DLG5: variants seen among roughly 807,000 people sequenced by gnomAD.
The protein encoded by DLG5 is disks large homolog 5.
Under a neutral mutation model 189.8 loss-of-function variants are expected in DLG5, and 48 were observed. That is an observed-to-expected ratio of 0.25 (90% CI 0.20 to 0.32). The LOEUF is 0.32. Ranked by LOEUF, DLG5 falls within the 10% of genes least tolerant of loss-of-function variation. The pLI, the probability that DLG5 is intolerant of heterozygous loss-of-function variation, is 1.00. For missense variants in DLG5, 2,160 were observed against 2,544.7 expected, an observed-to-expected ratio of 0.85 and a Z score of 3.25; for synonymous variants, 1,016 against 1,054.1, an observed-to-expected ratio of 0.96 and a Z score of 0.70.
At chr10:77,878,069 C>G (rs1337737439) in intron 1 of DLG5, among the ~76,000 whole-genome samples, 1 of 152,174 alleles carries the variant, frequency 6.6e-6, no homozygotes, top group Non-Finnish European at 1.5e-5. Context: ...ACCGGGCACC[C>G]CCGGCTCCCT....
At chr10:77,880,748 T>C (rs115048846) in intron 1 of DLG5, among the ~76,000 whole-genome samples, 20 of 152,264 alleles carry the variant, frequency 1.3e-4, no homozygotes, top group Middle Eastern at 3.4e-3. Flanking sequence ...TCATATCAGG[T>C]AACATTTATT....
At chr10:77,861,494 C>T (rs1455020423) in intron 2 of DLG5, among the ~76,000 whole-genome samples, 1 of 152,176 alleles carries the variant, frequency 6.6e-6, no homozygotes, top group Non-Finnish European at 1.5e-5. Context: ...GAAGGAGGGG[C>T]TCAGAGCCAT....
intron 1 of DLG5, among the ~76,000 whole-genome samples, chr10:77,877,541 G>A (rs192955361): frequency 8.3e-4 from 127 of 152,138 alleles, no homozygotes; most frequent in African/African-American, 2.7e-3. Context: ...CAGAGCTGCC[G>A]GGCTGCAGGT....
At chr10:77,931,680 T>A (rs185544234), upstream of DLG5, among the ~76,000 whole-genome samples, 33 of 152,240 alleles carry the variant, frequency 2.2e-4, no homozygotes, top group Admixed American at 1.9e-3. Context: ...GGGGACATCT[T>A]GTTCTCCCAC....
chr10:77,830,895 G>A (rs1842865985), intron 9 of DLG5, 22 bp from the exon 10 acceptor site: 1 of 1,612,876 alleles, frequency 6.2e-7, no homozygotes, highest in Non-Finnish European at 8.5e-7. Context: ...GAGAGCCACG[G>A]TGACAGCCCC....
At chr10:77,863,035 TA>T (rs1479876614) in intron 2 of DLG5, among the ~76,000 whole-genome samples, 1 of 152,170 alleles carries the variant, frequency 6.6e-6, no homozygotes, top group Non-Finnish European at 1.5e-5. Flanking sequence ...ACTGTATACT[TA>T]CAAAAAATAC....
chr10:77,848,215 G>A (rs1843788365), intron 5 of DLG5, among the ~76,000 whole-genome samples: 2 of 152,118 alleles, frequency 1.3e-5, no homozygotes. Context: ...ACCCTACATT[G>A]GTCAGAACAC....
intron 1 of DLG5, among the ~76,000 whole-genome samples, chr10:77,876,371 CTCTT>C (rs761503759): frequency 9.8e-5 from 13 of 132,460 alleles, no homozygotes; most frequent in Non-Finnish European, 2.1e-4. Flanking sequence ...GACCCCATCT[CTCTT>C]TTTTTTTTTT....
chr10:77,817,834 A>G lies in DLG5; in HGVS notation c.3727T>C (p.Tyr1243His). 6.4e-7 allele frequency: 1 copy of G among 1,555,072 alleles called. No homozygotes were observed. Among genetic ancestry groups the G allele is most frequent in the African/African-American group, 1.4e-5 (1 of 73,404 alleles). Residue 1243 changes from tyrosine (Y) to histidine (H), a missense_variant, in exon 18 of 32, where the codon TAC becomes CAC. By Grantham distance (83) the Tyr-to-His change is moderately conservative. Coordinates refer to ENST00000372391, the MANE Select transcript of DLG5 (RefSeq NM_004747.4). Reference protein sequence around the residue: ...LDLSHRTCSDYSEMRATHGSN... With the variant: ...LDLSHRTCSDHSEMRATHGSN... ...CCATGGGTGGCTCTCATCTCGGAGT[A>G]GTCGCTGCAGGTCCTGTGGCTCAGG...
chr10:77,908,453 C>T (rs74985540), intron 1 of DLG5, among the ~76,000 whole-genome samples: 4,287 of 152,256 alleles, frequency 0.028, 214 homozygotes, highest in African/African-American at 0.098. Flanking sequence ...AGCAGCCTCA[C>T]AAGAGAACCA....
At chr10:77,893,542 C>A (rs1420193003) in intron 1 of DLG5, among the ~76,000 whole-genome samples, 2 of 152,214 alleles carry the variant, frequency 1.3e-5, no homozygotes, top group Admixed American at 6.5e-5. Flanking sequence ...AGTCCCTGCC[C>A]GCCCCAGACA....
At chr10:77,877,895 A>C (rs1845153019) in intron 1 of DLG5, among the ~76,000 whole-genome samples, 1 of 152,192 alleles carries the variant, frequency 6.6e-6, no homozygotes, top group Non-Finnish European at 1.5e-5. Context: ...AGCACATGTC[A>C]CACCAAACCC....
chr10:77,854,708 C>T (rs958323859), intron 3 of DLG5, among the ~76,000 whole-genome samples: 8 of 152,032 alleles, frequency 5.3e-5, no homozygotes, highest in Admixed American at 1.3e-4. Context: ...TCTGTAGGCT[C>T]GGCGTGACAG....
At chr10:77,842,838 G>A (rs961667411) in intron 6 of DLG5, among the ~76,000 whole-genome samples, 2 of 152,150 alleles carry the variant, frequency 1.3e-5, no homozygotes, top group African/African-American at 2.4e-5. Flanking sequence ...ACAACACCAC[G>A]CTGAAGGCTC....
intron 2 of DLG5, among the ~76,000 whole-genome samples, chr10:77,860,360 C>T (rs1404850637): frequency 2.0e-5 from 3 of 152,160 alleles, no homozygotes; most frequent in African/African-American, 2.4e-5. Context: ...TGCAGTGGCG[C>T]GATCTCGGCT....
At chr10:77,854,129 C>A in intron 4 of DLG5, 98 bp downstream of exon 4, 3 of 1,482,180 alleles carry the variant, frequency 2.0e-6, no homozygotes, top group South Asian at 2.6e-5. Context: ...AGGGACAGGA[C>A]TAGAACCAGA....
intron 1 of DLG5, among the ~76,000 whole-genome samples, chr10:77,873,241 T>C (rs1844975992): frequency 6.6e-6 from 1 of 152,130 alleles, no homozygotes; most frequent in Non-Finnish European, 1.5e-5. Flanking sequence ...AGGAACTACC[T>C]GGGCAACGTA....
intron 1 of DLG5, among the ~76,000 whole-genome samples, chr10:77,876,995 TG>T (rs1201821769): frequency 6.6e-6 from 1 of 152,084 alleles, no homozygotes; most frequent in African/African-American, 2.4e-5. Context: ...CCCAAAGTGC[TG>T]GGATTACAGG....
chr10:77,879,891 G>A lies in DLG5; in HGVS notation c.305-10694C>T, dbSNP rs151136823. On this transcript the variant is annotated intron_variant, in intron 1 of 31. Coordinates refer to ENST00000372391, the MANE Select transcript of DLG5 (RefSeq NM_004747.4). ...GTGCCTACAGACACACAAGGGAGGT[G>A]TCAGGCAGGCAGATGGATGTACAGG... 7.2e-5 allele frequency among the ~76,000 whole-genome samples: 11 copies of A among 152,042 alleles called. No homozygotes were observed. In the East Asian group the frequency reaches 2.2e-3, roughly 30 times the overall value.
Sources: allele counts gnomAD v4.1 joint callset (sites outside exome capture counted in the v4.1 genomes callset), GRCh38; gene constraint gnomAD v4.1.1; transcripts MANE v1.5; gene names NCBI Gene and HGNC (gene_info 2026-07-23, HGNC 2026-07-21).